The following PHF24 variants were observed in gnomAD, a reference collection of about 807,000 sequenced individuals.
PHF24 encodes the protein Galpha inhibitory interacting protein.
PHF24 carries 25 observed loss-of-function variants against 42.6 expected under a neutral mutation model. The observed-to-expected ratio is 0.59, with a 90% CI of 0.43 to 0.82. The LOEUF (loss-of-function observed/expected upper bound fraction) is 0.82. PHF24 is among the 40% of genes least tolerant of loss of function. The probability of loss-of-function intolerance (pLI) is 0.00; values close to 1 mark genes in which losing one functional copy is unlikely to be tolerated. For missense variants in PHF24, 470 were observed against 538.1 expected, an observed-to-expected ratio of 0.87 and a Z score of 1.25; for synonymous variants, 185 against 204.8, an observed-to-expected ratio of 0.90 and a Z score of 0.83.
chr9:34,791,179 A>G, the PHF24 span, among the ~76,000 whole-genome samples: 5 of 152,350 alleles, frequency 3.3e-5, no homozygotes, highest in South Asian at 1.0e-3. Flanking sequence ...CAGTGCATAG[A>G]TTCATGAAAG....
the PHF24 span, among the ~76,000 whole-genome samples, chr9:34,699,411 T>G: frequency 6.6e-6 from 1 of 152,248 alleles, no homozygotes. Context: ...GTGTACACTT[T>G]GCCTAGAAGA....
chr9:34,900,896 C>T, the PHF24 span, among the ~76,000 whole-genome samples: 1 of 152,182 alleles, frequency 6.6e-6, no homozygotes, highest in South Asian at 2.1e-4. Context: ...ACCTTCCCAG[C>T]CTCCAGAACT....
the PHF24 span, among the ~76,000 whole-genome samples, chr9:34,695,363 A>G: frequency 2.6e-5 from 4 of 152,116 alleles, no homozygotes; most frequent in Non-Finnish European, 5.9e-5. Context: ...TTTTTTCCCC[A>G]TACCTCACTC....
At chr9:34,728,662 G>A in the PHF24 span, 4 of 1,551,426 alleles carry the variant, frequency 2.6e-6, no homozygotes, top group South Asian at 4.8e-5. Context: ...ACACTTAGAA[G>A]ACAAAAACAT....
At chr9:34,787,661 C>A in the PHF24 span, among the ~76,000 whole-genome samples, 1 of 152,194 alleles carries the variant, frequency 6.6e-6, no homozygotes, top group African/African-American at 2.4e-5. Flanking sequence ...CCCAGACCAA[C>A]TGAATTGAAC....
At chr9:34,684,676 T>C in the PHF24 span, among the ~76,000 whole-genome samples, 1 of 152,198 alleles carries the variant, frequency 6.6e-6, no homozygotes, top group Non-Finnish European at 1.5e-5. Context: ...TGGCTTCCTC[T>C]TGGGAGAGGA....
intron 2 of PHF24, among the ~76,000 whole-genome samples, chr9:34,971,994 G>A (rs992331257): frequency 3.3e-5 from 5 of 152,140 alleles, no homozygotes; most frequent in Non-Finnish European, 5.9e-5. Context: ...TTGGGAGGGA[G>A]GAGTTTGGGG....
exon 8 of PHF24, chr9:34,982,289 G>C (rs914756676): frequency 7.2e-5 from 11 of 152,228 alleles, no homozygotes; most frequent in African/African-American, 2.4e-4. Flanking sequence ...CCAAACCCAA[G>C]TTTGTGAGAG....
At chr9:34,721,438 G>C in the PHF24 span, among the ~76,000 whole-genome samples, 5 of 134,940 alleles carry the variant, frequency 3.7e-5, no homozygotes, top group Non-Finnish European at 7.6e-5. Flanking sequence ...TCTCTCGATG[G>C]AGTTTTGCTC....
upstream of PHF24, among the ~76,000 whole-genome samples, chr9:34,953,893 G>A (rs535537588): frequency 1.5e-4 from 23 of 152,184 alleles, no homozygotes; most frequent in South Asian, 2.7e-3. This position sits in a 1 kb window ranked among gnomAD's most constrained non-coding sequence, Gnocchi z 4.1. Context: ...CTGTGATTGC[G>A]CCTCTCCACT....
chr9:34,709,373 G>A, the PHF24 span: 1 of 1,603,784 alleles, frequency 6.2e-7, no homozygotes, highest in East Asian at 2.2e-5. Flanking sequence ...GGGTCTCCAG[G>A]GCTCCAGGCT....
the PHF24 span, among the ~76,000 whole-genome samples, chr9:34,860,271 T>C: frequency 6.6e-6 from 1 of 152,226 alleles, no homozygotes; most frequent in Non-Finnish European, 1.5e-5. Flanking sequence ...AGTTTTTTAG[T>C]TATTTCAGAG....
the PHF24 span, among the ~76,000 whole-genome samples, chr9:34,677,213 G>T: frequency 2.0e-5 from 3 of 151,930 alleles, no homozygotes; most frequent in Admixed American, 1.3e-4. Context: ...TAATCCATCA[G>T]CTCAGCCTCA....
At chr9:34,720,878 AC>A in the PHF24 span, among the ~76,000 whole-genome samples, 1 of 152,042 alleles carries the variant, frequency 6.6e-6, no homozygotes, top group Non-Finnish European at 1.5e-5. Context: ...CTCACAACCA[AC>A]TGCTTGGGAC....
chr9:34,725,144 G>A, the PHF24 span: 44 of 1,545,296 alleles, frequency 2.8e-5, no homozygotes, highest in Admixed American at 7.9e-5. Context: ...GCAGTCCCAG[G>A]ACCTGTGTAC....
chr9:34,972,234 T>C, intron 2 of PHF24, 112 bp from the exon 3 acceptor site: 3 of 953,750 alleles, frequency 3.1e-6, no homozygotes, highest in Non-Finnish European at 4.6e-6. Context: ...GCTGTTCCTC[T>C]AGGCTAATCT....
At chr9:34,895,558 A>G in the PHF24 span, 6 of 398,514 alleles carry the variant, frequency 1.5e-5, no homozygotes, top group Non-Finnish European at 2.7e-5. Flanking sequence ...CAATTTAGCC[A>G]TGGTCATAGT....
chr9:34,771,266 T>C, the PHF24 span, among the ~76,000 whole-genome samples: 1 of 152,258 alleles, frequency 6.6e-6, no homozygotes, highest in Non-Finnish European at 1.5e-5. Flanking sequence ...TATAGCCTAC[T>C]ACATGCTGAG....
the PHF24 span, among the ~76,000 whole-genome samples, chr9:34,899,991 C>T: frequency 6.6e-6 from 1 of 152,140 alleles, no homozygotes. Context: ...CAAGAAGGCA[C>T]TCAGCTATGG....
Sources: allele counts gnomAD v4.1 joint callset (sites outside exome capture counted in the v4.1 genomes callset), GRCh38; gene constraint gnomAD v4.1.1; non-coding constraint Gnocchi (gnomAD v3.1); transcripts MANE v1.5; gene names NCBI Gene and HGNC (gene_info 2026-07-23, HGNC 2026-07-21).